Variants in TTLL7 observed in about 807,000 individuals in gnomAD.
TTLL7 encodes the protein tubulin polyglutamylase TTLL7.
A neutral mutation model predicts 120.2 loss-of-function variants in TTLL7; 53 were observed. That is an observed-to-expected ratio of 0.44 (90% CI 0.35 to 0.55). The LOEUF is 0.55. Among genes scored for constraint, TTLL7 ranks in the 20% least tolerant of loss-of-function variants. The pLI is 0.00. For synonymous variants in TTLL7, 353 were observed against 351.7 expected, an observed-to-expected ratio of 1.00 and a Z score of -0.04; for missense variants, 803 against 1,054.7, an observed-to-expected ratio of 0.76 and a Z score of 3.31.
At chr1:83,930,793 A>C (rs1659532473) in intron 9 of TTLL7, among the ~76,000 whole-genome samples, 1 of 152,084 alleles carries the variant, frequency 6.6e-6, no homozygotes, top group South Asian at 2.1e-4. Flanking sequence ...TGCCAGGCAT[A>C]TCCCTCCTCC....
chr1:83,970,994 C>T (rs1296803482), intron 1 of TTLL7, among the ~76,000 whole-genome samples: 1 of 151,916 alleles, frequency 6.6e-6, no homozygotes, highest in Non-Finnish European at 1.5e-5. Flanking sequence ...AATTCCTGCT[C>T]TTCTGGGAGG....
chr1:83,870,590 C>T (rs1236457989), intron 20 of TTLL7, among the ~76,000 whole-genome samples: 1 of 152,034 alleles, frequency 6.6e-6, no homozygotes, highest in Admixed American at 6.6e-5. Context: ...TATTCTTTGA[C>T]CATAGAGTGC....
At chr1:83,898,878 C>G (rs1402713962) in intron 18 of TTLL7, among the ~76,000 whole-genome samples, 1 of 151,656 alleles carries the variant, frequency 6.6e-6, no homozygotes, top group Non-Finnish European at 1.5e-5. Flanking sequence ...ATGCTACTTA[C>G]TAAGTAGAAA....
chr1:83,956,670 T>A (rs1649552279), intron 1 of TTLL7, among the ~76,000 whole-genome samples: 1 of 152,188 alleles, frequency 6.6e-6, no homozygotes, highest in South Asian at 2.1e-4. Flanking sequence ...CCTCAGGTGA[T>A]CCGCCTACCT....
rs566466963 is a variant in TTLL7, at chr1:83,954,615, G to A, written c.-176-2228C>T. 2.0e-5 allele frequency among the ~76,000 whole-genome samples: 3 copies of A among 152,264 alleles called. No individual in the cohort carries two copies. The South Asian group carries it at 6.2e-4, about 31-fold the overall frequency. The stretch of plus-strand genomic sequence containing the variant: ...TGAATGAGGAGCTTTTGAAAATCCT[G>A]CTGTCCAGGCCACACCCCAGAACTA... On this transcript the variant is annotated intron_variant, in intron 1 of 20. Transcript: ENST00000260505.
intron 18 of TTLL7, 106 bp downstream of exon 18, chr1:83,903,973 G>T (rs1656961618): frequency 4.8e-6 from 4 of 833,276 alleles, no homozygotes; most frequent in Non-Finnish European, 8.0e-6. Flanking sequence ...TTGAAGAAAT[G>T]AGTAAACAAA....
At chr1:83,881,463 T>C (rs1654461358) in intron 20 of TTLL7, among the ~76,000 whole-genome samples, 1 of 151,814 alleles carries the variant, frequency 6.6e-6, no homozygotes, top group Non-Finnish European at 1.5e-5. Context: ...AAGACATTTA[T>C]GCAGCCAAAA....
chr1:83,925,400 T>C lies in TTLL7; in HGVS notation c.1142+3736A>G, dbSNP rs1344304872. 2.6e-5 allele frequency among the ~76,000 whole-genome samples: 4 copies of C among 152,312 alleles called. No homozygotes were observed. In the East Asian group the frequency reaches 7.7e-4, roughly 29 times the overall value. On this transcript the variant is annotated intron_variant, in intron 10 of 20. Transcript: ENST00000260505. The stretch of plus-strand genomic sequence containing the variant: ...ATCATAGGAGGCACTGAATTCCCAG[T>C]ACCTATTGCAGTGGTAGTGGACTCG...
intron 6 of TTLL7, among the ~76,000 whole-genome samples, chr1:83,945,834 C>A (rs890252708): frequency 5.3e-5 from 8 of 151,838 alleles, no homozygotes; most frequent in African/African-American, 1.9e-4. Flanking sequence ...AGAAACATTC[C>A]TTTAATGCTA....
chr1:83,873,920 CT>C (rs1461261839), intron 20 of TTLL7, among the ~76,000 whole-genome samples: 5 of 152,192 alleles, frequency 3.3e-5, no homozygotes, highest in African/African-American at 1.2e-4. Context: ...ATAAATAAAG[CT>C]CATCAGAATA....
At chr1:83,933,562 C>T (rs575140421) in intron 9 of TTLL7, 46 bp downstream of exon 9, 11 of 1,581,180 alleles carry the variant, frequency 7.0e-6, no homozygotes, top group African/African-American at 6.8e-5. Context: ...TATTTTAATA[C>T]GTAAGGACAG....
At chr1:83,871,268 T>C (rs1208939112) in intron 20 of TTLL7, among the ~76,000 whole-genome samples, 1 of 152,094 alleles carries the variant, frequency 6.6e-6, no homozygotes, top group African/African-American at 2.4e-5. Context: ...TTTTCAACTT[T>C]TCAAAGCTTT....
At chr1:83,956,657 C>T (rs970077986) in intron 1 of TTLL7, among the ~76,000 whole-genome samples, 5 of 152,118 alleles carry the variant, frequency 3.3e-5, no homozygotes, top group African/African-American at 7.2e-5. Flanking sequence ...CTCGAACTCC[C>T]GACCTCAGGT....
At chr1:83,992,818 G>A (rs1019868794) in intron 1 of TTLL7, among the ~76,000 whole-genome samples, 2 of 59,522 alleles carry the variant, frequency 3.4e-5, no homozygotes, top group South Asian at 1.0e-3. Flanking sequence ...TTTTGGAAAT[G>A]TTTAGTTTCT....
Position 83,942,672 on chromosome 1 carries a change from A to G in TTLL7, c.514T>C (p.Leu172=). The change falls in exon 7 of 21, where the codon TTG becomes CTG. Residue 172 remains leucine, a synonymous_variant. Coordinates refer to ENST00000260505, the MANE Select transcript of TTLL7 (RefSeq NM_024686.6). ...GGAAGTTTGTCACCATTTCTTATCAAAGAAATCCTATGTTTAAAGAAAAAA... is the reference window on the plus strand; with the variant it reads ...GGAAGTTTGTCACCATTTCTTATCAGAGAAATCCTATGTTTAAAGAAAAAA... The part of the protein sequence containing the change: ...ANGAMGHGIS[L]IRNGDKLPSQ... 1 of 1,609,654 alleles carries G rather than the reference A, an allele frequency of 6.2e-7. No individual in the cohort carries two copies.
chr1:83,876,315 T>C (rs1653925879), intron 20 of TTLL7, among the ~76,000 whole-genome samples: 1 of 151,856 alleles, frequency 6.6e-6, no homozygotes, highest in South Asian at 2.1e-4. Flanking sequence ...TATACTATCT[T>C]AAATTACTTT....
At chr1:83,989,637 T>C (rs1474486571) in intron 1 of TTLL7, among the ~76,000 whole-genome samples, 2 of 152,234 alleles carry the variant, frequency 1.3e-5, no homozygotes, top group African/African-American at 4.8e-5. Context: ...GCTTTAGCTA[T>C]GCAGGGTCTT....
chr1:83,962,944 T>C (rs552957664), intron 1 of TTLL7, among the ~76,000 whole-genome samples: 4 of 152,166 alleles, frequency 2.6e-5, no homozygotes, highest in Non-Finnish European at 5.9e-5. Flanking sequence ...CATCTCCTAA[T>C]GGACAACGCT....
chr1:83,892,028 C>CA (rs1366894381), intron 18 of TTLL7, among the ~76,000 whole-genome samples: 1 of 151,614 alleles, frequency 6.6e-6, no homozygotes, highest in Non-Finnish European at 1.5e-5. Flanking sequence ...AGGGTTTCAC[C>CA]ACATTGCCCA....
Sources: gnomAD v4.1 joint callset for allele counts (sites outside exome capture counted in the v4.1 genomes callset) on GRCh38, gnomAD v4.1.1 for gene constraint, MANE v1.5 for transcripts, NCBI Gene and HGNC (gene_info 2026-07-23, HGNC 2026-07-21) for gene names.